Variants in PLS1 observed in about 807,000 individuals in gnomAD.
PLS1 encodes the protein plastin-1.
In PLS1, 32 loss-of-function variants were observed where a neutral mutation model predicts 73.7. The ratio of observed to expected loss-of-function variants is 0.43; its 90% CI spans 0.33 to 0.58. The LOEUF is 0.58. PLS1 is among the 20% of genes least tolerant of loss of function. The pLI is 0.04. For synonymous variants in PLS1, 217 were observed against 261.3 expected (o/e 0.83, Z 1.63); for missense variants, 633 against 740.5 (o/e 0.85, Z 1.68).
chr3:142,631,688 AAAG>A (rs1468507459), intron 1 of PLS1, among the ~76,000 whole-genome samples: 5 of 150,982 alleles, frequency 3.3e-5, no homozygotes, highest in African/African-American at 7.3e-5. Flanking sequence ...AAAAAAAAAA[AAAG>A]AAGTTGAACC....
chr3:142,666,283 T>C (rs2037478072), intron 2 of PLS1, among the ~76,000 whole-genome samples: 1 of 152,184 alleles, frequency 6.6e-6, no homozygotes, highest in Non-Finnish European at 1.5e-5. Flanking sequence ...TTTCCCAAAC[T>C]GAAACTCCAT....
chr3:142,697,808 T>G (rs2107934860), intron 11 of PLS1, 145 bp from the exon 12 acceptor site: 1 of 544,600 alleles, frequency 1.8e-6, no homozygotes, highest in Middle Eastern at 2.7e-4. Context: ...CTGGAAGTTC[T>G]GGGTCAAATG....
At chr3:142,656,138 T>A (rs2037231376) in intron 1 of PLS1, among the ~76,000 whole-genome samples, 1 of 152,146 alleles carries the variant, frequency 6.6e-6, no homozygotes, top group Admixed American at 6.5e-5. Flanking sequence ...ATTTTTGCAT[T>A]TTTAGTAGAG....
chr3:142,663,036 C>T (rs2037405056), intron 1 of PLS1, among the ~76,000 whole-genome samples: 1 of 151,954 alleles, frequency 6.6e-6, no homozygotes. Context: ...ATGGTGAAAC[C>T]ACGTCTCTAC....
At chr3:142,662,941 G>T (rs1275120011) in intron 1 of PLS1, among the ~76,000 whole-genome samples, 1 of 152,142 alleles carries the variant, frequency 6.6e-6, no homozygotes, top group Non-Finnish European at 1.5e-5. Flanking sequence ...GGGCTCAGTG[G>T]CTCAGCGTCT....
At chr3:142,711,323 C>G (rs1449736727) in intron 14 of PLS1, among the ~76,000 whole-genome samples, 178 bp from the exon 15 acceptor site, 1 of 151,982 alleles carries the variant, frequency 6.6e-6, no homozygotes, top group Admixed American at 6.6e-5. Flanking sequence ...TATAAAGATT[C>G]AAGGAAAAGT....
chr3:142,625,570 A>G (rs2036406886), intron 1 of PLS1, among the ~76,000 whole-genome samples: 1 of 152,098 alleles, frequency 6.6e-6, no homozygotes, highest in Non-Finnish European at 1.5e-5. Flanking sequence ...CAGTAACAAC[A>G]TGTTGTGCAC....
intron 1 of PLS1, among the ~76,000 whole-genome samples, chr3:142,617,847 A>T (rs1175280397): frequency 2.0e-5 from 3 of 152,118 alleles, no homozygotes; most frequent in Non-Finnish European, 2.9e-5. Flanking sequence ...GCTTGGTGGC[A>T]TGTGTCTGTA....
At chr3:142,614,533 A>G (rs933157854) in intron 1 of PLS1, among the ~76,000 whole-genome samples, 1 of 152,220 alleles carries the variant, frequency 6.6e-6, no homozygotes, top group African/African-American at 2.4e-5. Flanking sequence ...TTTAAATGAA[A>G]AAACAGAAAT....
intron 1 of PLS1, among the ~76,000 whole-genome samples, chr3:142,611,074 T>C (rs1394521511): frequency 1.3e-5 from 2 of 152,260 alleles, no homozygotes; most frequent in African/African-American, 2.4e-5. Context: ...CGAATAAGCA[T>C]AGCTGTCTTC....
intron 14 of PLS1, among the ~76,000 whole-genome samples, chr3:142,707,057 C>G (rs1457143875): frequency 6.6e-6 from 1 of 152,084 alleles, no homozygotes; most frequent in East Asian, 1.9e-4. Context: ...GAGAGCAACC[C>G]TAGAGAACAG....
At chr3:142,622,240 G>A (rs905360884) in intron 1 of PLS1, among the ~76,000 whole-genome samples, 1 of 152,142 alleles carries the variant, frequency 6.6e-6, no homozygotes, top group African/African-American at 2.4e-5. Flanking sequence ...ATGTGAGTGT[G>A]TATTTTTAAC....
At chr3:142,672,499 C>T (rs759998520) in intron 4 of PLS1, among the ~76,000 whole-genome samples, 8 of 151,830 alleles carry the variant, frequency 5.3e-5, no homozygotes, top group African/African-American at 7.3e-5. Flanking sequence ...CCCGCCAACA[C>T]GCCCAGCTAA....
chr3:142,694,345 C>T (rs2038148275), intron 10 of PLS1, 124 bp from the exon 11 acceptor site: 3 of 510,434 alleles, frequency 5.9e-6, no homozygotes. Context: ...TTTAAAGAAA[C>T]TGTAGTATCT....
chr3:142,710,206 T>C (rs1175707744), intron 14 of PLS1, among the ~76,000 whole-genome samples: 1 of 150,454 alleles, frequency 6.6e-6, no homozygotes, highest in Non-Finnish European at 1.5e-5. Flanking sequence ...CTTTGCCATC[T>C]AATGTGCCAG....
At chr3:142,618,798 C>T (rs1034474952) in intron 1 of PLS1, among the ~76,000 whole-genome samples, 2 of 152,156 alleles carry the variant, frequency 1.3e-5, no homozygotes, top group Non-Finnish European at 2.9e-5. Flanking sequence ...CTTTTAAAGA[C>T]TCATGTGATT....
At chr3:142,710,462 A>C (rs144220747) in intron 14 of PLS1, among the ~76,000 whole-genome samples, 1 of 152,146 alleles carries the variant, frequency 6.6e-6, no homozygotes, top group Non-Finnish European at 1.5e-5. Flanking sequence ...TGTCTCTCCC[A>C]TGAAATTTTA....
At chr3:142,635,201 A>C (rs1192391058) in intron 1 of PLS1, among the ~76,000 whole-genome samples, 2 of 152,168 alleles carry the variant, frequency 1.3e-5, no homozygotes, top group African/African-American at 2.4e-5. Context: ...AGAGAATTAT[A>C]ACAAGAGAAG....
intron 11 of PLS1, among the ~76,000 whole-genome samples, chr3:142,697,178 C>T (rs1039704604): frequency 2.0e-5 from 3 of 152,126 alleles, no homozygotes; most frequent in African/African-American, 7.2e-5. Flanking sequence ...CTCAGGAGAA[C>T]ATATTTTTCT....
Sources: allele counts gnomAD v4.1 joint callset (sites outside exome capture counted in the v4.1 genomes callset), GRCh38; gene constraint gnomAD v4.1.1; transcripts MANE v1.5; gene names NCBI Gene and HGNC (gene_info 2026-07-23, HGNC 2026-07-21).